ALDH1A1: variants seen among roughly 807,000 people sequenced by gnomAD.
The protein encoded by ALDH1A1 is aldehyde dehydrogenase 1A1.
A neutral mutation model predicts 62.1 loss-of-function variants in ALDH1A1; 19 were observed. The ratio of observed to expected loss-of-function variants is 0.31; its 90% CI spans 0.21 to 0.45. The LOEUF (loss-of-function observed/expected upper bound fraction) is 0.45, where lower values mean the gene tolerates loss of function less well. ALDH1A1 is among the 20% of genes least tolerant of loss of function. ALDH1A1 has a pLI of 1.00. For synonymous variants in ALDH1A1, 231 were observed against 215.9 expected (o/e 1.07, Z -0.61); for missense variants, 521 against 607.1 (o/e 0.86, Z 1.49).
chr9:72,920,147 T>A (rs773734921), intron 7 of ALDH1A1, among the ~76,000 whole-genome samples: 1 of 152,216 alleles, frequency 6.6e-6, no homozygotes, highest in Non-Finnish European at 1.5e-5. Context: ...AATAGATGTT[T>A]CGTGAGTGTA....
chr9:72,948,348 T>C (rs937843011), intron 1 of ALDH1A1, among the ~76,000 whole-genome samples: 7 of 151,966 alleles, frequency 4.6e-5, no homozygotes, highest in Non-Finnish European at 8.8e-5. Context: ...AGTCCTTTCC[T>C]GTTTTAAGCA....
chr9:72,907,799 C>T (rs577103065), intron 11 of ALDH1A1, among the ~76,000 whole-genome samples: 14 of 152,072 alleles, frequency 9.2e-5, no homozygotes, highest in African/African-American at 4.8e-5. Flanking sequence ...CAGTAAGTGG[C>T]GATAATATAC....
At chr9:72,917,130 GATATATTTTATAAAAATT>G (rs781034975) in intron 8 of ALDH1A1, 26 bp from the exon 9 acceptor site, 44 of 1,392,658 alleles carry the variant, frequency 3.2e-5, no homozygotes, top group Non-Finnish European at 3.9e-5. Flanking sequence ...TCACATTAAA[GATATATTTTATAAAAATT>G]ATATATTTTA....
chr9:72,908,552 GA>G (rs1363942326), intron 11 of ALDH1A1, among the ~76,000 whole-genome samples: 1 of 91,850 alleles, frequency 1.1e-5, no homozygotes, highest in African/African-American at 5.1e-5. Context: ...AGAAAAGAAA[GA>G]AGAAAGAAAG....
At chr9:72,909,901 A>T in intron 10 of ALDH1A1, 142 bp from the exon 11 acceptor site, 1 of 629,654 alleles carries the variant, frequency 1.6e-6, no homozygotes, top group South Asian at 2.8e-5. Flanking sequence ...TGAGAATCCA[A>T]ATAGGTAACT....
intron 9 of ALDH1A1, among the ~76,000 whole-genome samples, chr9:72,913,335 A>G (rs921312988): frequency 6.6e-6 from 1 of 152,184 alleles, no homozygotes; most frequent in African/African-American, 2.4e-5. Flanking sequence ...CAGAAGGAAA[A>G]TATTCCTTCA....
At position 72,908,504 on chromosome 9, in the gene ALDH1A1, G is replaced by GATGA. The variant is rs1234831079; in HGVS notation, c.1358+1097_1358+1098insTCAT. Among the ~76,000 whole-genome samples the GATGA allele has an allele frequency of 3.8e-4, 12 of 31,806 alleles. 1 individual carries two copies. The highest frequency in any genetic ancestry group is 1.4e-3 in the African/African-American group (12 of 8,518). 20.9% of individuals were successfully genotyped at this position (31,806 alleles called of 152,430 possible). On this transcript the variant is annotated intron_variant, in intron 11 of 12. Coordinates refer to ENST00000297785, the MANE Select transcript of ALDH1A1 (RefSeq NM_000689.5). The stretch of plus-strand genomic sequence containing the variant: ...AGAGAAAGAGAAAGAGAGAGAGAGA[G>GATGA]ACGAAAGAAAGAAAGAAAGAAAGAA...
At chr9:72,913,657 T>TG (rs1220267416) in intron 9 of ALDH1A1, among the ~76,000 whole-genome samples, 2 of 152,234 alleles carry the variant, frequency 1.3e-5, no homozygotes, top group Non-Finnish European at 2.9e-5. Context: ...GCATACATAC[T>TG]GGAGAAAAGG....
intron 5 of ALDH1A1, among the ~76,000 whole-genome samples, chr9:72,926,601 C>A (rs914773540): frequency 2.0e-5 from 3 of 152,174 alleles, no homozygotes; most frequent in African/African-American, 7.2e-5. Flanking sequence ...ATATTCCATG[C>A]AGTGCTTCAA....
chr9:72,908,260 A>T (rs140649070), intron 11 of ALDH1A1, among the ~76,000 whole-genome samples: 169 of 151,604 alleles, frequency 1.1e-3, no homozygotes, highest in African/African-American at 3.7e-3. Context: ...TCTCTACTAA[A>T]AAAAGAAAAA....
chr9:72,938,614 T>C (rs1830375262), intron 2 of ALDH1A1, among the ~76,000 whole-genome samples: 2 of 152,146 alleles, frequency 1.3e-5, no homozygotes, highest in East Asian at 3.9e-4. Flanking sequence ...GCCCAGCTAA[T>C]TTTTGTATTT....
chr9:72,937,964 G>T (rs1293871038), intron 2 of ALDH1A1, among the ~76,000 whole-genome samples: 1 of 152,012 alleles, frequency 6.6e-6, no homozygotes, highest in Non-Finnish European at 1.5e-5. Flanking sequence ...TTGAGACTTC[G>T]GTCTTACTTG....
chr9:72,921,842 A>T (rs1423161589), intron 7 of ALDH1A1, among the ~76,000 whole-genome samples: 3 of 152,022 alleles, frequency 2.0e-5, no homozygotes, highest in Admixed American at 6.5e-5. Flanking sequence ...ATGCACTGTT[A>T]TTATATGTGG....
chr9:72,951,172 T>C (rs1255020704), intron 1 of ALDH1A1, among the ~76,000 whole-genome samples: 1 of 151,924 alleles, frequency 6.6e-6, no homozygotes, highest in Non-Finnish European at 1.5e-5. Context: ...TGCCTTCTTT[T>C]GGACACTTAG....
At chr9:72,951,813 A>G (rs2118590170) in intron 1 of ALDH1A1, among the ~76,000 whole-genome samples, 1 of 152,018 alleles carries the variant, frequency 6.6e-6, no homozygotes, top group East Asian at 1.9e-4. Context: ...CTTAAAATAC[A>G]CTTCATAGCT....
intron 7 of ALDH1A1, among the ~76,000 whole-genome samples, chr9:72,920,938 G>A (rs73647848): frequency 0.036 from 5,473 of 152,310 alleles, 317 homozygotes; most frequent in African/African-American, 0.12. Context: ...CATAATGTGG[G>A]TAGAGTTCTA....
chr9:72,901,820 G>A (rs1213011826), intron 12 of ALDH1A1, among the ~76,000 whole-genome samples: 3 of 152,022 alleles, frequency 2.0e-5, no homozygotes, highest in African/African-American at 7.2e-5. Flanking sequence ...TCATAGAAGT[G>A]GTAAGGGGAT....
intron 7 of ALDH1A1, among the ~76,000 whole-genome samples, chr9:72,922,363 A>AT (rs1256318475): frequency 6.6e-6 from 1 of 152,128 alleles, no homozygotes; most frequent in African/African-American, 2.4e-5. Flanking sequence ...ATCTCCAGGG[A>AT]TTTTTTTAAG....
At chr9:72,912,240 G>T in intron 9 of ALDH1A1, 118 bp from the exon 10 acceptor site, 1 of 746,386 alleles carries the variant, frequency 1.3e-6, no homozygotes, top group Non-Finnish European at 2.1e-6. Flanking sequence ...ACCAAATATT[G>T]AATCGAAACA....
Sources: gnomAD v4.1 joint callset for allele counts (sites outside exome capture counted in the v4.1 genomes callset) on GRCh38, gnomAD v4.1.1 for gene constraint, MANE v1.5 for transcripts, NCBI Gene and HGNC (gene_info 2026-07-23, HGNC 2026-07-21) for gene names.